DNAJC8: variants seen among roughly 807,000 people sequenced by gnomAD.
DNAJC8 encodes the protein DnaJ heat shock protein family (Hsp40) member C8.
In DNAJC8, 24 loss-of-function variants were observed where a neutral mutation model predicts 43.2. That is an observed-to-expected ratio of 0.56 (90% CI 0.40 to 0.78). The LOEUF (loss-of-function observed/expected upper bound fraction) is 0.78, where lower values mean the gene tolerates loss of function less well. DNAJC8 is among the 30% of genes least tolerant of loss of function. The pLI, the probability that DNAJC8 is intolerant of heterozygous loss-of-function variation, is 0.00. For synonymous variants in DNAJC8, 83 were observed against 98.0 expected (o/e 0.85, Z 0.90); for missense variants, 207 against 299.4 (o/e 0.69, Z 2.28).
intron 5 of DNAJC8, 30 bp from the exon 6 acceptor site, chr1:28,208,443 G>A (rs369334628): frequency 1.7e-5 from 26 of 1,528,302 alleles, no homozygotes; most frequent in Admixed American, 1.1e-4. Flanking sequence ...ATCAAAAGAC[G>A]AGCATCTGTG....
chr1:28,226,767 G>T (rs1307472329), intron 2 of DNAJC8, among the ~76,000 whole-genome samples: 2 of 151,072 alleles, frequency 1.3e-5, no homozygotes, highest in East Asian at 3.9e-4. Context: ...CTACATTTTT[G>T]AGTAAACTCC....
chr1:28,230,005 TG>T (rs1203436587), intron 1 of DNAJC8: 1 of 152,100 alleles, frequency 6.6e-6, no homozygotes, highest in Non-Finnish European at 1.5e-5. Flanking sequence ...CCCAACATTT[TG>T]GGAGGCTGAG....
intron 6 of DNAJC8, among the ~76,000 whole-genome samples, chr1:28,205,973 C>G (rs1401715741): frequency 6.6e-6 from 1 of 152,100 alleles, no homozygotes; most frequent in Non-Finnish European, 1.5e-5. Context: ...CACTTAAGCC[C>G]TGGAGTTTGA....
intron 8 of DNAJC8, among the ~76,000 whole-genome samples, chr1:28,202,363 T>G (rs1343887696): frequency 6.6e-6 from 1 of 152,000 alleles, no homozygotes; most frequent in African/African-American, 2.4e-5. Context: ...CACTACAACC[T>G]CTGCCTCCCG....
In DNAJC8 at chr1:28,216,653, C is replaced by A. The variant is rs535888642; in HGVS notation, c.181-1657G>T. 2.6e-4 allele frequency among the ~76,000 whole-genome samples: 40 copies of A among 151,722 alleles called. No individual in the cohort carries two copies. The East Asian group carries it at 4.1e-3, about 15-fold the overall frequency. On this transcript the variant is annotated intron_variant, in intron 2 of 8. Coordinates refer to ENST00000263697, the MANE Select transcript of DNAJC8 (RefSeq NM_014280.3). ...AGTGGTTCTTGAGTTAAAAAAAAAA[C>A]CTAAAATAGCTATAAAGGAGATTTT...
intron 1 of DNAJC8, among the ~76,000 whole-genome samples, chr1:28,230,646 GT>G (rs1178927130): frequency 6.6e-6 from 1 of 152,074 alleles, no homozygotes; most frequent in South Asian, 2.1e-4. Context: ...GTTTGTTTTT[GT>G]TTTTTGAGAA....
chr1:28,215,692 C>A (rs1646847887), intron 2 of DNAJC8, among the ~76,000 whole-genome samples: 2 of 151,876 alleles, frequency 1.3e-5, no homozygotes, highest in Admixed American at 6.6e-5. Context: ...CACGTGCCAC[C>A]ACACCTGGCT....
intron 3 of DNAJC8, among the ~76,000 whole-genome samples, chr1:28,212,539 C>T (rs577642631): frequency 6.6e-6 from 1 of 151,756 alleles, no homozygotes; most frequent in East Asian, 1.9e-4. Flanking sequence ...GACTCAATGT[C>T]CCAAAATACT....
intron 4 of DNAJC8, 37 bp downstream of exon 4, chr1:28,210,534 C>T (rs1270918021): frequency 6.4e-7 from 1 of 1,573,600 alleles, no homozygotes; most frequent in African/African-American, 1.4e-5. Context: ...CTGCCATTCA[C>T]AATCTAATAC....
intron 6 of DNAJC8, among the ~76,000 whole-genome samples, chr1:28,207,793 T>C (rs1039724779): frequency 6.7e-6 from 1 of 149,242 alleles, no homozygotes; most frequent in Admixed American, 6.7e-5. Context: ...CGGTGGCTCA[T>C]GCCTGTAATC....
chr1:28,210,158 A>G, intron 4 of DNAJC8, 92 bp from the exon 5 acceptor site: 2 of 1,032,968 alleles, frequency 1.9e-6, no homozygotes, highest in East Asian at 2.4e-5. Flanking sequence ...TGTGCTCTCT[A>G]AAGCATTCCC....
At chr1:28,216,939 GCT>G (rs1646859855) in intron 2 of DNAJC8, among the ~76,000 whole-genome samples, 1 of 151,158 alleles carries the variant, frequency 6.6e-6, no homozygotes, top group Non-Finnish European at 1.5e-5. Flanking sequence ...CTCTCGAGTA[GCT>G]GGGATTACAG....
intron 5 of DNAJC8, 61 bp from the exon 6 acceptor site, chr1:28,208,474 C>A: frequency 8.1e-7 from 1 of 1,232,538 alleles, no homozygotes; most frequent in Non-Finnish European, 1.2e-6. Context: ...ATCCACTGGG[C>A]TGTACACATA....
Position 28,203,788 on chromosome 1 carries a change from C to T in DNAJC8, c.598G>A (p.Glu200Lys). The change falls in exon 8 of 9, where the codon GAA becomes AAA. Residue 200 changes from glutamate (E) to lysine (K), a missense_variant. Physicochemically the swap from Glu to Lys is moderately conservative, Grantham distance 56. Coordinates refer to ENST00000263697, the MANE Select transcript of DNAJC8 (RefSeq NM_014280.3). ...RQREEEIEAQ[E>K]KAKREREWQK... ...CACTCTCTTTCCCGTTTGGCTTTTT[C>T]TTGAGCTTCAATCTCTTCTTCCCTT... 2 of 1,614,194 alleles carry T rather than the reference C, an allele frequency of 1.2e-6. No homozygotes were observed. Among genetic ancestry groups the T allele is most frequent in the Non-Finnish European group, 1.7e-6 (2 of 1,180,048 alleles).
Position 28,228,841 on chromosome 1 carries a change from G to T in DNAJC8, c.180+81C>A, listed in dbSNP as rs570564958. On this transcript the variant is annotated intron_variant, in intron 2 of 8. Transcript: ENST00000263697. ...CAATCCTAACTATGATATAAATTAG[G>T]TATGTATTCTGATGTAGGTATGCCT... is the stretch of plus-strand genomic sequence containing the variant. 1.9e-5 allele frequency: 21 copies of T among 1,092,856 alleles called. No individual in the cohort carries two copies. In the South Asian group the frequency reaches 2.8e-4, roughly 14 times the overall value. The allele number at this position is 1,092,856 out of a possible 1,614,324, so 67.7% of individuals were successfully genotyped here.
At chr1:28,221,419 T>A (rs568485800) in intron 2 of DNAJC8, among the ~76,000 whole-genome samples, 1 of 152,136 alleles carries the variant, frequency 6.6e-6, no homozygotes, top group Admixed American at 6.6e-5. Flanking sequence ...TCTTGCAGCT[T>A]TCAGAGCGTG....
chr1:28,210,724 T>G, intron 3 of DNAJC8, 87 bp from the exon 4 acceptor site: 5 of 1,020,734 alleles, frequency 4.9e-6, no homozygotes, highest in Non-Finnish European at 7.5e-6. Flanking sequence ...CCAAAAGCTC[T>G]AAGGTCCTAC....
At chr1:28,227,613 C>T (rs1415352655) in intron 2 of DNAJC8, among the ~76,000 whole-genome samples, 2 of 151,866 alleles carry the variant, frequency 1.3e-5, no homozygotes, top group East Asian at 3.9e-4. Context: ...AAAATAAAAT[C>T]GTATTGAGCT....
intron 2 of DNAJC8, among the ~76,000 whole-genome samples, chr1:28,224,557 C>T (rs909530475): frequency 6.6e-6 from 1 of 151,960 alleles, no homozygotes; most frequent in African/African-American, 2.4e-5. Flanking sequence ...TGTGAGCCAC[C>T]GCGCCTGGCC....
Sources: gnomAD v4.1 joint callset for allele counts (sites outside exome capture counted in the v4.1 genomes callset) on GRCh38, gnomAD v4.1.1 for gene constraint, MANE v1.5 for transcripts, NCBI Gene and HGNC (gene_info 2026-07-23, HGNC 2026-07-21) for gene names.